Variants in NKAIN2 observed in about 807,000 individuals in gnomAD.
NKAIN2 encodes sodium/potassium transporting ATPase interacting 2.
NKAIN2 carries 14 observed loss-of-function variants against 32.6 expected under a neutral mutation model. The observed-to-expected ratio is 0.43, with a 90% CI of 0.28 to 0.67. The LOEUF (loss-of-function observed/expected upper bound fraction) is 0.67. Ranked by LOEUF, NKAIN2 falls within the 30% of genes least tolerant of loss-of-function variation. The pLI is 0.17. For synonymous variants in NKAIN2, 80 were observed against 87.2 expected (o/e 0.92, Z 0.46); for missense variants, 198 against 258.3 (o/e 0.77, Z 1.60).
At chr6:124,744,511 A>G (rs903825849) in intron 4 of NKAIN2, among the ~76,000 whole-genome samples, 1 of 150,522 alleles carries the variant, frequency 6.6e-6, no homozygotes, top group East Asian at 2.0e-4. Context: ...GAATCTATTT[A>G]TTTTTTTTTC....
chr6:123,821,465 G>A (rs1258999038), intron 1 of NKAIN2, among the ~76,000 whole-genome samples: 6 of 152,026 alleles, frequency 3.9e-5, no homozygotes, highest in African/African-American at 1.4e-4. Context: ...TTTTTGATTT[G>A]GCATTTGACT....
At chr6:124,571,941 C>G (rs1028280030) in intron 3 of NKAIN2, among the ~76,000 whole-genome samples, 2 of 152,200 alleles carry the variant, frequency 1.3e-5, no homozygotes, top group Admixed American at 1.3e-4. Flanking sequence ...TCTTATTCCT[C>G]TCTTCTTCTC....
At chr6:124,002,495 G>A (rs1779921161) in intron 1 of NKAIN2, among the ~76,000 whole-genome samples, 1 of 150,754 alleles carries the variant, frequency 6.6e-6, no homozygotes, top group African/African-American at 2.5e-5. Flanking sequence ...TTCTTTCTGA[G>A]TTATTTCAAA....
At chr6:124,250,035 C>A (rs908482693) in intron 1 of NKAIN2, among the ~76,000 whole-genome samples, 1 of 152,032 alleles carries the variant, frequency 6.6e-6, no homozygotes, top group African/African-American at 2.4e-5. Flanking sequence ...TGGAAGTGAA[C>A]CTTTGGAAGG....
chr6:124,601,595 T>C (rs1782309743), intron 3 of NKAIN2, among the ~76,000 whole-genome samples: 2 of 152,012 alleles, frequency 1.3e-5, no homozygotes, highest in South Asian at 4.1e-4. Context: ...AGATTTTTAC[T>C]GTAGGAAGTG....
intron 1 of NKAIN2, among the ~76,000 whole-genome samples, chr6:123,965,481 TTG>T (rs1421748999): frequency 6.6e-6 from 1 of 151,938 alleles, no homozygotes; most frequent in Non-Finnish European, 1.5e-5. Context: ...CCTCCCATTG[TTG>T]TCAACATTAC....
chr6:124,111,447 A>G (rs1004868404), intron 1 of NKAIN2, among the ~76,000 whole-genome samples: 2 of 152,006 alleles, frequency 1.3e-5, no homozygotes, highest in African/African-American at 4.8e-5. Context: ...CCCTTTTATC[A>G]TTATAAAAGC....
At chr6:124,022,273 T>A (rs1780902563) in intron 1 of NKAIN2, among the ~76,000 whole-genome samples, 1 of 152,202 alleles carries the variant, frequency 6.6e-6, no homozygotes, top group South Asian at 2.1e-4. Context: ...ATGTGCCACA[T>A]TTTCTTAATC....
intron 3 of NKAIN2, among the ~76,000 whole-genome samples, chr6:124,543,690 G>A (rs530232841): frequency 3.5e-4 from 53 of 152,254 alleles, no homozygotes; most frequent in African/African-American, 1.2e-3. Context: ...AAGTGGATAA[G>A]AGAATATGAT....
At chr6:124,151,082 A>G (rs964473986) in intron 1 of NKAIN2, among the ~76,000 whole-genome samples, 17 of 152,204 alleles carry the variant, frequency 1.1e-4, no homozygotes, top group African/African-American at 3.6e-4. Context: ...CTTAATCAGC[A>G]TAACTCCTCT....
At chr6:124,157,777 T>A (rs916635482) in intron 1 of NKAIN2, among the ~76,000 whole-genome samples, 10 of 152,224 alleles carry the variant, frequency 6.6e-5, no homozygotes, top group Non-Finnish European at 1.2e-4. Flanking sequence ...ATCTCATTAA[T>A]GTAAATGAAA....
intron 4 of NKAIN2, among the ~76,000 whole-genome samples, chr6:124,708,743 G>A (rs1775253557): frequency 1.3e-5 from 2 of 152,028 alleles, no homozygotes; most frequent in South Asian, 2.1e-4. Flanking sequence ...TTTGGGCTGA[G>A]ACAATGGGGT....
chr6:123,889,514 C>T (rs1235413333), intron 1 of NKAIN2, among the ~76,000 whole-genome samples: 1 of 152,160 alleles, frequency 6.6e-6, no homozygotes, highest in Non-Finnish European at 1.5e-5. Flanking sequence ...CATGTGAATA[C>T]ACGATTCAGA....
chr6:124,818,502 G>A, intron 6 of NKAIN2, 34 bp downstream of exon 6: 1 of 990,326 alleles, frequency 1.0e-6, no homozygotes, highest in Non-Finnish European at 1.6e-6. Flanking sequence ...CTCTTCTGGG[G>A]TACTAAAGAT....
chr6:124,780,300 G>A (rs1348379116), intron 4 of NKAIN2, among the ~76,000 whole-genome samples: 1 of 152,116 alleles, frequency 6.6e-6, no homozygotes, highest in Non-Finnish European at 1.5e-5. Flanking sequence ...GAATTAATAT[G>A]CAAAAATGAA....
chr6:124,293,347 A>C (rs1041464886), intron 2 of NKAIN2, among the ~76,000 whole-genome samples: 3 of 151,906 alleles, frequency 2.0e-5, no homozygotes, highest in African/African-American at 7.2e-5. Context: ...TTCAACTTTT[A>C]CTATTTTTAA....
chr6:123,862,005 T>A (rs1775803785), intron 1 of NKAIN2, among the ~76,000 whole-genome samples: 1 of 152,204 alleles, frequency 6.6e-6, no homozygotes, highest in African/African-American at 2.4e-5. Context: ...ATGAAAAATA[T>A]ATTTTCGTTA....
intron 6 of NKAIN2, among the ~76,000 whole-genome samples, chr6:124,821,218 C>T (rs1021214977): frequency 6.6e-6 from 1 of 151,514 alleles, no homozygotes; most frequent in African/African-American, 2.4e-5. Context: ...TCTCTGGAAC[C>T]TGGGAGGTGG....
Position 124,462,463 on chromosome 6 carries a change from C to A in NKAIN2, c.273+107116C>A, listed in dbSNP as rs147852691. ...TTTTTTCAAATACAAACCTCACATT[C>A]TTCATACAAAGATCACAATTTTAAT... On this transcript the variant is annotated intron_variant, in intron 3 of 6. Coordinates refer to ENST00000368417, the MANE Select transcript of NKAIN2 (RefSeq NM_001040214.3). Among the ~76,000 whole-genome samples the A allele has an allele frequency of 7.2e-4, 110 of 151,962 alleles. 1 individual carries two copies. The highest frequency in any genetic ancestry group is 2.4e-3 in the African/African-American group (100 of 41,530).
Sources: allele counts gnomAD v4.1 joint callset (sites outside exome capture counted in the v4.1 genomes callset), GRCh38; gene constraint gnomAD v4.1.1; transcripts MANE v1.5; gene names NCBI Gene and HGNC (gene_info 2026-07-23, HGNC 2026-07-21).